The following INPP4B variants were observed in gnomAD, a reference collection of about 807,000 sequenced individuals.
The protein encoded by INPP4B is inositol polyphosphate-4-phosphatase type II B.
INPP4B carries 55 observed loss-of-function variants against 122.5 expected under a neutral mutation model. The observed-to-expected ratio is 0.45, with a 90% CI of 0.36 to 0.56. The LOEUF (loss-of-function observed/expected upper bound fraction) is 0.56. INPP4B is among the 20% of genes least tolerant of loss of function. The pLI, the probability that INPP4B is intolerant of heterozygous loss-of-function variation, is 0.00. For synonymous variants in INPP4B, 403 were observed against 388.7 expected, an observed-to-expected ratio of 1.04 and a Z score of -0.43; for missense variants, 1,000 against 1,097.7, an observed-to-expected ratio of 0.91 and a Z score of 1.26.
intron 9 of INPP4B, among the ~76,000 whole-genome samples, chr4:142,284,377 C>T (rs1051589983): frequency 1.3e-5 from 2 of 152,050 alleles, no homozygotes; most frequent in Non-Finnish European, 2.9e-5. Context: ...GAATCTAAAA[C>T]ACTAGACAGA....
intron 12 of INPP4B, among the ~76,000 whole-genome samples, chr4:142,231,051 C>T (rs1398247637): frequency 1.3e-5 from 2 of 152,194 alleles, no homozygotes; most frequent in African/African-American, 4.8e-5. Flanking sequence ...TTGAAGGGAG[C>T]CCCCAAAGGA....
At chr4:142,252,025 A>G (rs2636658) in intron 11 of INPP4B, among the ~76,000 whole-genome samples, 138,464 of 152,262 alleles carry the variant, frequency 0.91, 63,200 homozygotes, top group East Asian at 0.96. Flanking sequence ...ATCAAAGTGG[A>G]TTTAAATTCT....
intron 1 of INPP4B, among the ~76,000 whole-genome samples, chr4:142,785,587 A>T (rs949944743): frequency 6.6e-6 from 1 of 152,038 alleles, no homozygotes; most frequent in Non-Finnish European, 1.5e-5. Flanking sequence ...TGTGAAAAGA[A>T]TCCGTGAGTT....
intron 21 of INPP4B, among the ~76,000 whole-genome samples, chr4:142,120,489 A>G (rs1211435249): frequency 1.3e-5 from 2 of 152,106 alleles, no homozygotes; most frequent in Non-Finnish European, 2.9e-5. Context: ...AGTGGATCCT[A>G]TTAATTTCTC....
intron 2 of INPP4B, among the ~76,000 whole-genome samples, chr4:142,510,008 A>G (rs1824509603): frequency 6.6e-6 from 1 of 152,214 alleles, no homozygotes; most frequent in South Asian, 2.1e-4. Flanking sequence ...ATCATTTAAT[A>G]TTTTGAGAGC....
chr4:142,587,605 T>C (rs149898493), intron 2 of INPP4B, among the ~76,000 whole-genome samples: 2,147 of 152,194 alleles, frequency 0.014, 39 homozygotes, highest in African/African-American at 0.041. Context: ...TTTTGATACA[T>C]GCATGCAATG....
chr4:142,398,708 G>A (rs1348821589), intron 7 of INPP4B, among the ~76,000 whole-genome samples: 1 of 151,900 alleles, frequency 6.6e-6, no homozygotes, highest in Admixed American at 6.6e-5. Flanking sequence ...AACTGCTCTA[G>A]AACTAAACTG....
intron 3 of INPP4B, among the ~76,000 whole-genome samples, chr4:142,435,099 A>G (rs1324881227): frequency 6.6e-6 from 1 of 152,090 alleles, no homozygotes; most frequent in Non-Finnish European, 1.5e-5. Flanking sequence ...CATGAGACAA[A>G]TGAGTTCCAT....
intron 2 of INPP4B, among the ~76,000 whole-genome samples, chr4:142,651,527 G>A (rs919606179): frequency 3.9e-5 from 6 of 152,086 alleles, no homozygotes; most frequent in African/African-American, 1.2e-4. Context: ...AATAAAAACT[G>A]ATAAAGGGGA....
At chr4:142,714,369 GT>G (rs1328526396) in intron 2 of INPP4B, among the ~76,000 whole-genome samples, 3 of 152,120 alleles carry the variant, frequency 2.0e-5, no homozygotes, top group African/African-American at 7.2e-5. Flanking sequence ...TTCCTCACAC[GT>G]TGACATAAAT....
At chr4:142,408,089 CT>C (rs1266690400) in intron 5 of INPP4B, among the ~76,000 whole-genome samples, 1 of 152,096 alleles carries the variant, frequency 6.6e-6, no homozygotes, top group Non-Finnish European at 1.5e-5. Flanking sequence ...AAGGTGAAAC[CT>C]ATTCACATCA....
chr4:142,534,134 A>C (rs6835296), intron 2 of INPP4B, among the ~76,000 whole-genome samples: 79,785 of 151,876 alleles, frequency 0.53, 23,886 homozygotes, highest in Non-Finnish European at 0.7. Flanking sequence ...TAATGCCTTT[A>C]GTGTTTTATG....
At chr4:142,782,125 C>T (rs1441989760) in intron 1 of INPP4B, among the ~76,000 whole-genome samples, 2 of 151,970 alleles carry the variant, frequency 1.3e-5, no homozygotes, top group African/African-American at 4.8e-5. Flanking sequence ...AATGCTATCC[C>T]TCCCCCCTTC....
chr4:142,233,127 G>T (rs1035230337), intron 12 of INPP4B, among the ~76,000 whole-genome samples: 2 of 152,116 alleles, frequency 1.3e-5, no homozygotes, highest in Admixed American at 1.3e-4. Flanking sequence ...GATGACGGTG[G>T]CTATCATTGA....
chr4:142,643,583 A>G (rs1751029829), intron 2 of INPP4B, among the ~76,000 whole-genome samples: 2 of 152,066 alleles, frequency 1.3e-5, no homozygotes, highest in Admixed American at 1.3e-4. Context: ...ATTTTTCTAT[A>G]TTTTGCTATA....
chr4:142,513,224 G>T (rs1165966476), intron 2 of INPP4B, among the ~76,000 whole-genome samples: 1 of 152,084 alleles, frequency 6.6e-6, no homozygotes, highest in East Asian at 1.9e-4. Flanking sequence ...GCCCATTCAG[G>T]CTGCTTTACC....
intron 2 of INPP4B, among the ~76,000 whole-genome samples, chr4:142,564,234 T>C (rs1334004297): frequency 1.3e-5 from 2 of 151,972 alleles, no homozygotes; most frequent in East Asian, 3.9e-4. Flanking sequence ...AGGCTTGCAG[T>C]TTACCTGGGG....
chr4:142,645,811 G>T (rs559520359), intron 2 of INPP4B, among the ~76,000 whole-genome samples: 57 of 152,286 alleles, frequency 3.7e-4, no homozygotes, highest in African/African-American at 1.4e-3. Context: ...ATGGAACCTG[G>T]CCTAATTAAT....
At chr4:142,720,478 C>T in intron 2 of INPP4B, among the ~76,000 whole-genome samples, 1 of 151,938 alleles carries the variant, frequency 6.6e-6, no homozygotes, top group East Asian at 1.9e-4. Flanking sequence ...GTTCAAGTCC[C>T]TTATATAAAA....
Sources: gnomAD v4.1 joint callset for allele counts (sites outside exome capture counted in the v4.1 genomes callset) on GRCh38, gnomAD v4.1.1 for gene constraint, MANE v1.5 for transcripts, NCBI Gene and HGNC (gene_info 2026-07-23, HGNC 2026-07-21) for gene names.